The following ARMC8 variants were observed in gnomAD, a reference collection of about 807,000 sequenced individuals.
ARMC8 encodes armadillo repeat-containing protein 8.
Under a neutral mutation model 99.3 loss-of-function variants are expected in ARMC8, and 20 were observed. That is an observed-to-expected ratio of 0.20 (90% confidence interval 0.14 to 0.29). The LOEUF is 0.29. Ranked by LOEUF, ARMC8 falls within the 10% of genes least tolerant of loss-of-function variation. The pLI is 1.00. For missense variants in ARMC8, 569 were observed against 809.5 expected (o/e 0.70, Z 3.60); for synonymous variants, 263 against 278.3 (o/e 0.95, Z 0.55).
intron 15 of ARMC8, 24 bp from the exon 16 acceptor site, chr3:138,270,013 ATTT>A: frequency 7.0e-7 from 1 of 1,421,004 alleles, no homozygotes; most frequent in Non-Finnish European, 9.8e-7. Flanking sequence ...TAAAGCTGTG[ATTT>A]TTTTTTTCCC....
intron 9 of ARMC8, chr3:138,238,005 G>GT: frequency 6.8e-6 from 1 of 148,082 alleles, no homozygotes; most frequent in Non-Finnish European, 1.5e-5. Context: ...CATCTTTTAA[G>GT]GAAAAAAAAA....
chr3:138,187,436 C>G lies in ARMC8; in HGVS notation c.-119C>G. On this transcript the variant is annotated 5_prime_UTR_variant, in exon 1 of 22. Transcript: ENST00000469044. ...TACTTGAGCGGTGTCCAGAGCGTGGCCAGTTCTCGTCTATCTGGCTGCCTT... is the reference window on the plus strand; with the variant it reads ...TACTTGAGCGGTGTCCAGAGCGTGGGCAGTTCTCGTCTATCTGGCTGCCTT... 9.8e-7 allele frequency: 1 copy of G among 1,024,634 alleles called. No homozygotes were observed. Among genetic ancestry groups the G allele is most frequent in the East Asian group, 2.6e-5 (1 of 38,164 alleles). The allele number at this position is 1,024,634 out of a possible 1,614,324, so 63.5% of individuals were successfully genotyped here. A position where few individuals can be genotyped will look rare whatever the true frequency, so the allele number is the denominator to read the frequency against.
intron 1 of ARMC8, chr3:138,187,913 C>T (rs931909106): frequency 9.4e-6 from 4 of 424,464 alleles, no homozygotes; most frequent in Non-Finnish European, 1.7e-5. Context: ...AAGCGTTTCA[C>T]TGAGCCTTCC....
rs1218960058 is a variant in ARMC8 at position 138,258,636 on chromosome 3, GATCCTGTTCTAAT to G, written c.1135-5101_1135-5089del. On this transcript the variant is annotated intron_variant, in intron 12 of 21. Coordinates refer to ENST00000469044, the MANE Select transcript of ARMC8 (RefSeq NM_001363941.2). ...TCTTGTCCCGATTACAGGGGGCTCAGATCCTGTTCTAATAGATCCTTATCCACTCCTGCAAGAG... is the reference window on the plus strand; with the variant it reads ...TCTTGTCCCGATTACAGGGGGCTCAGAGATCCTTATCCACTCCTGCAAGAG... 2.6e-5 allele frequency among the ~76,000 whole-genome samples: 4 copies of G among 152,326 alleles called. No homozygotes were observed. In the East Asian group the frequency reaches 7.7e-4, roughly 29 times the overall value.
At chr3:138,191,701 T>C (rs1176835924) in intron 1 of ARMC8, among the ~76,000 whole-genome samples, 1 of 152,182 alleles carries the variant, frequency 6.6e-6, no homozygotes, top group Non-Finnish European at 1.5e-5. Context: ...CATAATCTGT[T>C]CTCCATCTCT....
intron 18 of ARMC8, among the ~76,000 whole-genome samples, chr3:138,279,993 TC>T (rs2049719755): frequency 6.6e-6 from 1 of 151,388 alleles, no homozygotes; most frequent in African/African-American, 2.4e-5. Flanking sequence ...AACCTCTGCC[TC>T]CCGGGTTCAA....
intron 2 of ARMC8, among the ~76,000 whole-genome samples, chr3:138,212,538 A>G (rs1576629524): frequency 2.0e-5 from 3 of 152,084 alleles, no homozygotes; most frequent in Admixed American, 6.5e-5. Context: ...CGAACTCCTG[A>G]CCTCAGGTGA....
chr3:138,290,105 G>A (rs1165568731), intron 20 of ARMC8, among the ~76,000 whole-genome samples: 2 of 152,352 alleles, frequency 1.3e-5, no homozygotes, highest in Non-Finnish European at 2.9e-5. Context: ...GCAACAAAAA[G>A]TGCTGGGAGG....
intron 12 of ARMC8, among the ~76,000 whole-genome samples, chr3:138,262,934 T>A (rs1392632059): frequency 6.6e-6 from 1 of 152,220 alleles, no homozygotes; most frequent in South Asian, 2.1e-4. Flanking sequence ...CTCTGTATTA[T>A]CCAGAATAAT....
chr3:138,198,887 G>A (rs905963182), intron 1 of ARMC8, among the ~76,000 whole-genome samples: 1 of 151,888 alleles, frequency 6.6e-6, no homozygotes, highest in Admixed American at 6.6e-5. Flanking sequence ...TTTTGATAAC[G>A]TGAAGTCTGG....
chr3:138,193,044 C>G (rs1242359608), intron 1 of ARMC8, among the ~76,000 whole-genome samples: 1 of 152,188 alleles, frequency 6.6e-6, no homozygotes, highest in East Asian at 1.9e-4. Context: ...TCTCAACTTA[C>G]TGCAGCCTCT....
chr3:138,289,237 C>G (rs1577046619), intron 20 of ARMC8, 117 bp downstream of exon 20: 2 of 760,116 alleles, frequency 2.6e-6, no homozygotes, highest in East Asian at 2.8e-5. Context: ...ACCATCTGGC[C>G]CAAGCACCCT....
At chr3:138,223,596 G>A (rs755716037) in intron 4 of ARMC8, 40 bp from the exon 5 acceptor site, 1 of 1,613,652 alleles carries the variant, frequency 6.2e-7, no homozygotes, top group Non-Finnish European at 8.5e-7. Flanking sequence ...TTTAAATACT[G>A]GTTGAAAGGA....
chr3:138,198,030 A>G (rs1029852518), intron 1 of ARMC8, among the ~76,000 whole-genome samples: 11 of 152,198 alleles, frequency 7.2e-5, no homozygotes, highest in African/African-American at 2.7e-4. Context: ...GCATTATCAC[A>G]TTAAAAACTC....
At chr3:138,207,214 C>T (rs563959548) in intron 1 of ARMC8, among the ~76,000 whole-genome samples, 122 of 152,320 alleles carry the variant, frequency 8.0e-4, no homozygotes, top group Non-Finnish European at 1.4e-3. Flanking sequence ...AAGAAGCCTT[C>T]CCTGATTCCC....
Position 138,267,307 on chromosome 3 carries a change from A to G in ARMC8, c.1386+66A>G, listed in dbSNP as rs1183021649. The stretch of plus-strand genomic sequence containing the variant: ...GCTAGAGCTTACTCAAATACTTTTT[A>G]TAGTAGTTGACATTGAAATCTGTGG... On this transcript the variant is annotated intron_variant, in intron 15 of 21. Transcript: ENST00000469044. 3.9e-5 allele frequency: 38 copies of G among 971,402 alleles called. No individual in the cohort carries two copies. In the East Asian group the frequency reaches 8.7e-4, roughly 22 times the overall value. The allele number at this position is 971,402 out of a possible 1,614,324, so 60.2% of individuals were successfully genotyped here.
At chr3:138,244,300 T>G (rs2046775852) in intron 11 of ARMC8, among the ~76,000 whole-genome samples, 1 of 152,062 alleles carries the variant, frequency 6.6e-6, no homozygotes, top group Non-Finnish European at 1.5e-5. Flanking sequence ...ATTTTTGAGA[T>G]GTAGTCTCGC....
At chr3:138,193,679 C>G (rs1430197307) in intron 1 of ARMC8, among the ~76,000 whole-genome samples, 1 of 152,196 alleles carries the variant, frequency 6.6e-6, no homozygotes, top group Non-Finnish European at 1.5e-5. Flanking sequence ...TTAAGATGAA[C>G]CTTGATCTCA....
intron 21 of ARMC8, 42 bp downstream of exon 21, chr3:138,290,681 G>T (rs767797171): frequency 1.5e-6 from 2 of 1,370,002 alleles, no homozygotes; most frequent in East Asian, 2.4e-5. Flanking sequence ...GGCTGTGTTG[G>T]ATTCTTTCGT....
Sources: allele counts gnomAD v4.1 joint callset (sites outside exome capture counted in the v4.1 genomes callset), GRCh38; gene constraint gnomAD v4.1.1; transcripts MANE v1.5; gene names NCBI Gene and HGNC (gene_info 2026-07-23, HGNC 2026-07-21).